The following DIS3 variants were observed in gnomAD, a reference collection of about 807,000 sequenced individuals.
DIS3 encodes exosome complex exonuclease RRP44.
DIS3 carries 103 observed loss-of-function variants against 113.0 expected under a neutral mutation model. That is an observed-to-expected ratio of 0.91 (90% confidence interval 0.78 to 1.07). The LOEUF is 1.07. Ranked by LOEUF, DIS3 falls within the 50% of genes least tolerant of loss-of-function variation. DIS3 has a pLI of 0.00. For synonymous variants in DIS3, 402 were observed against 394.3 expected (o/e 1.02, Z -0.23); for missense variants, 1,121 against 1,167.1 (o/e 0.96, Z 0.58).
chr13:72,769,269 T>C (rs532121771), intron 13 of DIS3, among the ~76,000 whole-genome samples: 2 of 152,280 alleles, frequency 1.3e-5, no homozygotes, highest in Admixed American at 6.5e-5. Flanking sequence ...ATAACAAATA[T>C]GAAATCCTTT....
intron 14 of DIS3, 45 bp downstream of exon 14, chr13:72,768,739 TA>T: frequency 7.1e-7 from 1 of 1,411,786 alleles, no homozygotes; most frequent in Non-Finnish European, 9.8e-7. Flanking sequence ...TCAAACAATG[TA>T]AAGAGTATAA....
Position 72,763,432 on chromosome 13 carries a change from TCAAACTGTAGGACCTTAC to T in DIS3, c.2127+1_2127+18del, listed in dbSNP as rs778386878. 2 of 1,576,106 alleles carry T rather than the reference TCAAACTGTAGGACCTTAC, an allele frequency of 1.3e-6. No homozygotes were observed. Among genetic ancestry groups the T allele is most frequent in the Admixed American group, 4.0e-5 (2 of 50,058 alleles). On this transcript the variant is annotated splice_donor_variant and splice_donor_5th_base_variant and intron_variant, in intron 16 of 20. Coordinates refer to ENST00000377767, the MANE Select transcript of DIS3 (RefSeq NM_014953.5). LOFTEE classifies it high-confidence loss of function. ...GATCAAAACACAAATAGATGATTTT[TCAAACTGTAGGACCTTAC>T]CCTTGACCTGGCTGCCTTAACAAGA...
In DIS3 at chr13:72,760,564, G is replaced by T; in HGVS notation, c.2758C>A (p.His920Asn). Residue 920 changes from histidine to asparagine, a missense_variant, in exon 20 of 21, where the codon CAT becomes AAT. By Grantham distance (68) the His-to-Asn change is moderately conservative (BLOSUM62 1). This residue lies in a region of DIS3 where 861 missense variants were observed against 915.5 expected (regional missense o/e 0.94). Transcript: ENST00000377767. Reference sequence around the variant, plus strand: ...ACCAGGGACATTCGGATCTTCTGATGTTGAAGATTAGATGAGTCTAACATG... The same window carrying T: ...ACCAGGGACATTCGGATCTTCTGATTTTGAAGATTAGATGAGTCTAACATG... Reference protein sequence around the residue: ...KIMLDSSNLQHQKIRMSLVEP... With the variant: ...KIMLDSSNLQNQKIRMSLVEP... 1 of 1,613,476 alleles carries T rather than the reference G, an allele frequency of 6.2e-7. No individual in the cohort carries two copies. Among genetic ancestry groups the T allele is most frequent in the East Asian group, 2.2e-5 (1 of 44,792 alleles).
In DIS3 at chr13:72,775,183, CAA is replaced by C. The variant is rs749797041; in HGVS notation, c.987+26_987+27del. On this transcript the variant is annotated intron_variant, in intron 6 of 20. Transcript: ENST00000377767. Reference sequence around the variant, plus strand: ...TATTAATAATACAAAGCTACACAGACAAAAAAAAATCCTGCTTAGATTCATAC... The same window carrying C: ...TATTAATAATACAAAGCTACACAGACAAAAAAATCCTGCTTAGATTCATAC... 3 of 1,562,454 alleles carry C rather than the reference CAA, an allele frequency of 1.9e-6. No homozygotes were observed. In the African/African-American group the frequency reaches 4.1e-5, roughly 22 times the overall value.
intron 2 of DIS3, 146 bp from the exon 3 acceptor site, chr13:72,778,526 G>C (rs1733554797): frequency 4.0e-6 from 2 of 504,318 alleles, no homozygotes; most frequent in South Asian, 1.7e-4. Context: ...GTACACCTCA[G>C]AGAAGAAATC....
intron 2 of DIS3, among the ~76,000 whole-genome samples, chr13:72,780,240 C>G (rs745641970): frequency 3.5e-5 from 5 of 143,714 alleles, no homozygotes; most frequent in Non-Finnish European, 7.5e-5. Context: ...GCAGAAGAAT[C>G]GCTTGAACTT....
chr13:72,775,062 G>GA (rs1245578801), intron 6 of DIS3, 149 bp downstream of exon 6: 5 of 857,296 alleles, frequency 5.8e-6, no homozygotes, highest in South Asian at 2.8e-5. Flanking sequence ...ACATAGAAGA[G>GA]AAAAAAACCA....
chr13:72,763,505 A>G lies in DIS3; in HGVS notation c.2073T>C (p.His691=), dbSNP rs1224755214. 2 of 1,613,856 alleles carry G rather than the reference A, an allele frequency of 1.2e-6. No individual in the cohort carries two copies. Among genetic ancestry groups the G allele is most frequent in the African/African-American group, 2.7e-5 (2 of 74,918 alleles). ...CATAATTTGATGGAGGTGGAGCAGG[A>G]TGTTTTCGAAGCAGAGCATGTTCAG... The part of the protein sequence containing the change: ...EFSEHALLRK[H]PAPPPSNYEI... The change falls in exon 16 of 21, where the codon CAT becomes CAC. Residue 691 remains histidine (H), a synonymous_variant. Transcript: ENST00000377767.
chr13:72,778,068 G>C (rs540161006), intron 3 of DIS3, 119 bp downstream of exon 3: 1 of 883,138 alleles, frequency 1.1e-6, no homozygotes, highest in East Asian at 2.7e-5. Flanking sequence ...AATATCACAT[G>C]AAGTTATATA....
At chr13:72,763,403 G>T in intron 16 of DIS3, 48 bp downstream of exon 16, 1 of 1,542,366 alleles carries the variant, frequency 6.5e-7, no homozygotes, top group South Asian at 1.2e-5. Context: ...TAGAACAACA[G>T]GTAGATCAAA....
chr13:72,755,622 C>T lies in DIS3; in HGVS notation c.*4173G>A, dbSNP rs1002567342. 1.4e-5 allele frequency: 5 copies of T among 362,212 alleles called. No individual in the cohort carries two copies. The highest frequency in any genetic ancestry group is 8.3e-5 in the African/African-American group (4 of 47,964). The allele number at this position is 362,212 out of a possible 1,614,324, so 22.4% of individuals were successfully genotyped here. A position where few individuals can be genotyped will look rare whatever the true frequency, so the allele number is the denominator to read the frequency against. On this transcript the variant is annotated 3_prime_UTR_variant, in exon 21 of 21. Transcript: ENST00000377767. Reference sequence around the variant, plus strand: ...ATATATTTTTACATAAAAGCTTGAACATACAGATGAATTATAACCTATGTG... The same window carrying T: ...ATATATTTTTACATAAAAGCTTGAATATACAGATGAATTATAACCTATGTG...
chr13:72,758,701 G>A lies in DIS3; in HGVS notation c.*1094C>T. 9.4e-6 allele frequency: 2 copies of A among 213,318 alleles called. No individual in the cohort carries two copies. Among genetic ancestry groups the A allele is most frequent in the Non-Finnish European group, 1.9e-5 (2 of 105,402 alleles). The allele number at this position is 213,318 out of a possible 1,614,324, so 13.2% of individuals were successfully genotyped here. ...GGAAAAATTAGTCAACATTTATTGAGTGCCTAAATGACTACCTATTTAGTA... is the reference window on the plus strand; with the variant it reads ...GGAAAAATTAGTCAACATTTATTGAATGCCTAAATGACTACCTATTTAGTA... On this transcript the variant is annotated 3_prime_UTR_variant, in exon 21 of 21. Transcript: ENST00000377767.
In DIS3 at chr13:72,766,110, A is replaced by G. The variant is rs777159103; in HGVS notation, c.1884-52T>C. On this transcript the variant is annotated intron_variant, in intron 14 of 20. Transcript: ENST00000377767. ...ATAGTCAAGCAAGCCAATAAAAGAC[A>G]AAAGTATAGAAATTATTCTTTTAAA... The G allele has an allele frequency of 9.2e-6, 13 of 1,420,554 alleles. No individual in the cohort carries two copies. The African/African-American group carries it at 9.2e-5, about 10-fold the overall frequency. The allele number at this position is 1,420,554 out of a possible 1,614,324, so 88.0% of individuals were successfully genotyped here. A position where few individuals can be genotyped will look rare whatever the true frequency, so the allele number is the denominator to read the frequency against.
rs1285045019 is a variant in DIS3, at chr13:72,762,075, A to G, written c.2190T>C (p.Ser730=). The G allele has an allele frequency of 1.2e-6, 2 of 1,614,012 alleles. No homozygotes were observed. Among genetic ancestry groups the G allele is most frequent in the African/African-American group, 2.7e-5 (2 of 74,928 alleles). ...SLAESLDQAE[S]PTFPYLNTLL... is the part of the protein sequence containing the mutation. ...GAGTGTTTAGATATGGAAAAGTAGG[A>G]GATTCGGCCTGATCCAAAGACTCAG... Residue 730 remains serine (S), a synonymous_variant, in exon 17 of 21, where the codon TCT becomes TCC. Transcript: ENST00000377767.
chr13:72,764,125 C>T (rs1342264445), intron 15 of DIS3, among the ~76,000 whole-genome samples: 2 of 152,056 alleles, frequency 1.3e-5, no homozygotes, highest in East Asian at 3.9e-4. Flanking sequence ...GCACTCCAGG[C>T]TGGGTGACAG....
intron 1 of DIS3, 94 bp downstream of exon 1, chr13:72,781,511 C>A (rs1218815527): frequency 2.8e-6 from 4 of 1,436,906 alleles, no homozygotes; most frequent in East Asian, 2.5e-5. Flanking sequence ...GTATGTGACA[C>A]TGCCAAAGAC....
At position 72,759,291 on chromosome 13, in the gene DIS3, A is replaced by G; in HGVS notation, c.*504T>C. ...TAAAATACAGGAAGCTTTTAAAGAC[A>G]GTAAGAGAACACCTAGTGTAAGTTA... On this transcript the variant is annotated 3_prime_UTR_variant, in exon 21 of 21. Coordinates refer to ENST00000377767, the MANE Select transcript of DIS3 (RefSeq NM_014953.5). 1 of 206,684 alleles carries G rather than the reference A, an allele frequency of 4.8e-6. No individual in the cohort carries two copies. Among genetic ancestry groups the G allele is most frequent in the Non-Finnish European group, 9.9e-6 (1 of 101,172 alleles). The allele number at this position is 206,684 out of a possible 1,614,324, so 12.8% of individuals were successfully genotyped here. A position where few individuals can be genotyped will look rare whatever the true frequency, so the allele number is the denominator to read the frequency against.
At position 72,781,014 on chromosome 13, in the gene DIS3, G is replaced by C; in HGVS notation, c.229-11C>G. The C allele has an allele frequency of 6.3e-7, 1 of 1,586,416 alleles. No individual in the cohort carries two copies. The highest frequency in any genetic ancestry group is 8.5e-7 in the Non-Finnish European group (1 of 1,170,508). ...CTCAAGAACATCAATCTTAAAGAAA[G>C]ATAAAGTTAATTTTTCCTATATTCA... On this transcript the variant is annotated splice_polypyrimidine_tract_variant and intron_variant, in intron 1 of 20. Transcript: ENST00000377767.
In DIS3 at chr13:72,781,282, C is replaced by A. The variant is rs767664814; in HGVS notation, c.229-279G>T. 6 of 1,551,146 alleles carry A rather than the reference C, an allele frequency of 3.9e-6. No homozygotes were observed. In the African/African-American group the frequency reaches 6.8e-5, roughly 18 times the overall value. On this transcript the variant is annotated intron_variant, in intron 1 of 20. Transcript: ENST00000377767. ...GCCCACATAGTTTTTTGTTCCTAGG[C>A]ACTTACAAGCTGCCTGGGAGTCGCA...
Sources: gnomAD v4.1 joint callset for allele counts (sites outside exome capture counted in the v4.1 genomes callset) on GRCh38, gnomAD v4.1.1 for gene constraint, gnomAD v4.1.1 regional missense constraint, MANE v1.5 for transcripts, NCBI Gene and HGNC (gene_info 2026-07-23, HGNC 2026-07-21) for gene names.